ARID4A: variants seen among roughly 807,000 people sequenced by gnomAD.
ARID4A encodes AT-rich interaction domain 4A.
A neutral mutation model predicts 148.6 loss-of-function variants in ARID4A; 39 were observed. That is an observed-to-expected ratio of 0.26 (90% confidence interval 0.20 to 0.34). The LOEUF (loss-of-function observed/expected upper bound fraction) is 0.34. Ranked by LOEUF, ARID4A falls within the 10% of genes least tolerant of loss-of-function variation. The pLI is 1.00. For missense variants in ARID4A, 1,265 were observed against 1,449.1 expected (o/e 0.87, Z 2.06); for synonymous variants, 475 against 481.2 (o/e 0.99, Z 0.17).
chr14:58,307,980 A>G (rs990783809), intron 5 of ARID4A, among the ~76,000 whole-genome samples: 3 of 135,296 alleles, frequency 2.2e-5, no homozygotes, highest in Non-Finnish European at 3.2e-5. Flanking sequence ...TTATATTTTA[A>G]CTCACTATAA....
chr14:58,371,848 C>T (rs770119144), intron 23 of ARID4A, 38 bp from the exon 24 acceptor site: 52 of 1,481,228 alleles, frequency 3.5e-5, no homozygotes, highest in South Asian at 5.7e-5. Flanking sequence ...CTTTGTGTAA[C>T]AGTTTTTGGA....
At chr14:58,327,425 A>G (rs954322191) in intron 8 of ARID4A, among the ~76,000 whole-genome samples, 2 of 152,192 alleles carry the variant, frequency 1.3e-5, no homozygotes, top group Non-Finnish European at 2.9e-5. Flanking sequence ...GAAGTTAAGA[A>G]ATTAAAAAGT....
rs545318449 is a variant in ARID4A at position 58,323,896 on chromosome 14, C to CTTT, written c.582+303_582+305dup. ...CTCTATTCCCATTACCTTAGGTTCC[C>CTTT]TTTTTTTTTTTTTTTTTTTTTTTTT... On this transcript the variant is annotated intron_variant, in intron 8 of 23. Coordinates refer to ENST00000355431, the MANE Select transcript of ARID4A (RefSeq NM_002892.4). Among the ~76,000 whole-genome samples the CTTT allele has an allele frequency of 5.9e-4, 62 of 104,210 alleles. 3 individuals carry two copies. Among genetic ancestry groups the CTTT allele is most frequent in the African/African-American group, 1.2e-3 (35 of 28,146 alleles). 68.4% of individuals were successfully genotyped at this position (104,210 alleles called of 152,430 possible).
chr14:58,343,021 G>C (rs758430482), intron 11 of ARID4A, among the ~76,000 whole-genome samples: 10 of 152,158 alleles, frequency 6.6e-5, no homozygotes, highest in Non-Finnish European at 1.2e-4. Flanking sequence ...TTTTGGTTTT[G>C]ATTTTTTTTC....
chr14:58,338,055 C>T (rs1431887642), intron 11 of ARID4A, among the ~76,000 whole-genome samples: 7 of 152,150 alleles, frequency 4.6e-5, no homozygotes, highest in Non-Finnish European at 1.0e-4. Context: ...CTGTAAGATA[C>T]ATTACATTGA....
At position 58,306,014 on chromosome 14, in the gene ARID4A, C is replaced by T; in HGVS notation, c.184-8C>T. On this transcript the variant is annotated splice_region_variant and splice_polypyrimidine_tract_variant and intron_variant, in intron 4 of 23. Transcript: ENST00000355431. ...ATTTGGTAAGGAAATTGGGATTTCA[C>T]ATTTTAGGTTGGAGCTATTGTTGAA... is the stretch of plus-strand genomic sequence containing the variant. 1 of 1,610,538 alleles carries T rather than the reference C, an allele frequency of 6.2e-7. No individual in the cohort carries two copies. Among genetic ancestry groups the T allele is most frequent in the Non-Finnish European group, 8.5e-7 (1 of 1,177,284 alleles).
intron 11 of ARID4A, among the ~76,000 whole-genome samples, chr14:58,333,839 A>C (rs2033658815): frequency 6.6e-6 from 1 of 152,168 alleles, no homozygotes; most frequent in African/African-American, 2.4e-5. Flanking sequence ...ATCCATGCTA[A>C]ATTGGTGGAA....
intron 11 of ARID4A, among the ~76,000 whole-genome samples, chr14:58,333,543 T>C (rs759185181): frequency 3.3e-5 from 5 of 152,100 alleles, no homozygotes; most frequent in Non-Finnish European, 5.9e-5. Context: ...TATTTAGTAA[T>C]GAAAATTTGA....
Position 58,299,829 on chromosome 14 carries a change from T to G in ARID4A, c.-26T>G. 2 of 1,614,216 alleles carry G rather than the reference T, an allele frequency of 1.2e-6. No homozygotes were observed. The highest frequency in any genetic ancestry group is 1.7e-6 in the Non-Finnish European group (2 of 1,180,032). ...CGACTGCGAAGATAGCTCGCTGAGC[T>G]GGAACCCCACAGATCACCAACAAAA... On this transcript the variant is annotated 5_prime_UTR_variant, in exon 2 of 24. Transcript: ENST00000355431.
rs746224866 is a variant in ARID4A at position 58,365,209 on chromosome 14, C to T, written c.3120C>T (p.Leu1040=). Residue 1040 remains leucine, a synonymous_variant, in exon 20 of 24, where the codon CTC becomes CTT. Coordinates refer to ENST00000355431, the MANE Select transcript of ARID4A (RefSeq NM_002892.4). ...TTGCTGAAGAATCTCAAGAAGGTCT[C>T]TGTGAGAGGGAATCGGCAAATGGAT... is the stretch of plus-strand genomic sequence containing the variant. The part of the protein sequence containing the change: ...DSIAEESQEG[L]CERESANGFE... 6.2e-7 allele frequency: 1 copy of T among 1,614,048 alleles called. No homozygotes were observed. The highest frequency in any genetic ancestry group is 8.5e-7 in the Non-Finnish European group (1 of 1,179,956).
intron 2 of ARID4A, among the ~76,000 whole-genome samples, chr14:58,300,452 T>A (rs2031057541): frequency 6.6e-6 from 1 of 152,342 alleles, no homozygotes; most frequent in South Asian, 2.1e-4. Flanking sequence ...TCATATAGCG[T>A]TCTTGAATGC....
chr14:58,329,161 A>C (rs1468012951), intron 9 of ARID4A, among the ~76,000 whole-genome samples: 1 of 152,194 alleles, frequency 6.6e-6, no homozygotes. Context: ...CTGTCTAGTA[A>C]ATGTGCTTTT....
intron 5 of ARID4A, among the ~76,000 whole-genome samples, chr14:58,316,433 C>T (rs992286552): frequency 6.6e-6 from 1 of 151,984 alleles, no homozygotes; most frequent in African/African-American, 2.4e-5. Context: ...ATGTTGGATG[C>T]TAAAATCAGA....
Position 58,347,893 on chromosome 14 carries a change from C to T in ARID4A, c.1404+15C>T. On this transcript the variant is annotated intron_variant, in intron 15 of 23. Coordinates refer to ENST00000355431, the MANE Select transcript of ARID4A (RefSeq NM_002892.4). ...AATCTCCGAGGGTGAGTTCTTAATA[C>T]TAGTTTTATCTGGTTTAAGTATTAT... is the stretch of plus-strand genomic sequence containing the variant. 6.5e-7 allele frequency: 1 copy of T among 1,545,982 alleles called. No individual in the cohort carries two copies. The highest frequency in any genetic ancestry group is 8.8e-7 in the Non-Finnish European group (1 of 1,132,504).
At chr14:58,358,828 C>T (rs1485223048) in intron 17 of ARID4A, among the ~76,000 whole-genome samples, 3 of 152,182 alleles carry the variant, frequency 2.0e-5, no homozygotes, top group Non-Finnish European at 4.4e-5. Context: ...TCTGTAAAAG[C>T]TGTGGAAAAC....
rs758350095 is a variant in ARID4A at position 58,329,514 on chromosome 14, T to G, written c.663-14T>G. 3.9e-6 allele frequency: 6 copies of G among 1,546,122 alleles called. No individual in the cohort carries two copies. The African/African-American group carries it at 4.1e-5, about 11-fold the overall frequency. ...TGAATAAATTGTTTTCCTCCCCTTC[T>G]TCTTGATAATTAGTTACTCTATAGC... On this transcript the variant is annotated splice_polypyrimidine_tract_variant and intron_variant, in intron 9 of 23. Transcript: ENST00000355431.
At chr14:58,353,305 GATC>G (rs2034719617) in intron 16 of ARID4A, 1 of 169,110 alleles carries the variant, frequency 5.9e-6, no homozygotes, top group Admixed American at 6.3e-5. Context: ...ATTGATTACA[GATC>G]ATCGTTAGCT....
chr14:58,371,924 G>T lies in ARID4A; in HGVS notation c.3709G>T (p.Asp1237Tyr). ...AGCCTCCATGTCATCTGCTTCATCA[G>T]ACACTGGAATGAGTCCCTCATCATC... The part of the protein sequence containing the change: ...AGASMSSASS[D>Y]TGMSPSSSSP... Residue 1237 changes from aspartate (D) to tyrosine (Y), a missense_variant, in exon 24 of 24, where the codon GAC becomes TAC. By Grantham distance (160) the Asp-to-Tyr change is radical. This residue lies in a region of ARID4A where 666 missense variants were observed against 730.9 expected (regional missense o/e 0.91). Transcript: ENST00000355431. 6.2e-7 allele frequency: 1 copy of T among 1,613,446 alleles called. No individual in the cohort carries two copies. Among genetic ancestry groups the T allele is most frequent in the African/African-American group, 1.3e-5 (1 of 75,042 alleles).
chr14:58,325,565 C>G (rs978621771), intron 8 of ARID4A, among the ~76,000 whole-genome samples: 2 of 152,148 alleles, frequency 1.3e-5, no homozygotes, highest in African/African-American at 4.8e-5. Context: ...CAGGTGTGAG[C>G]CACTGCGCCT....
Sources: allele counts gnomAD v4.1 joint callset (sites outside exome capture counted in the v4.1 genomes callset), GRCh38; gene constraint gnomAD v4.1.1; regional missense constraint gnomAD v4.1.1; transcripts MANE v1.5; gene names NCBI Gene and HGNC (gene_info 2026-07-23, HGNC 2026-07-21).